Variants in TP53BP2 observed in about 807,000 individuals in gnomAD.
TP53BP2 encodes apoptosis-stimulating of p53 protein 2.
In TP53BP2, 62 loss-of-function variants were observed where a neutral mutation model predicts 126.2. The ratio of observed to expected loss-of-function variants is 0.49; its 90% CI spans 0.40 to 0.61. TP53BP2 has a LOEUF of 0.61. TP53BP2 is among the 20% of genes least tolerant of loss of function. The pLI, the probability that TP53BP2 is intolerant of heterozygous loss-of-function variation, is 0.00. For synonymous variants in TP53BP2, 485 were observed against 502.9 expected, an observed-to-expected ratio of 0.96 and a Z score of 0.48; for missense variants, 1,215 against 1,402.8, an observed-to-expected ratio of 0.87 and a Z score of 2.14.
At chr1:223,781,316 A>G (rs918821846) in intron 17 of TP53BP2, among the ~76,000 whole-genome samples, 1 of 152,286 alleles carries the variant, frequency 6.6e-6, no homozygotes, top group African/African-American at 2.4e-5. Flanking sequence ...ACCTTTATTC[A>G]CAATGGACAT....
intron 13 of TP53BP2, among the ~76,000 whole-genome samples, chr1:223,795,516 C>T (rs993243452): frequency 1.3e-5 from 2 of 152,132 alleles, no homozygotes; most frequent in Non-Finnish European, 2.9e-5. Context: ...TCTTTTGAGT[C>T]CCAGTCGGGT....
intron 1 of TP53BP2, among the ~76,000 whole-genome samples, chr1:223,829,841 TAC>T (rs1013066672): frequency 6.6e-6 from 1 of 151,736 alleles, no homozygotes; most frequent in Non-Finnish European, 1.5e-5. Context: ...GGTAACAGAG[TAC>T]AGTTTTTCTT....
At chr1:223,806,810 T>A (rs1248302809) in intron 5 of TP53BP2, 36 bp downstream of exon 5, 1 of 1,553,640 alleles carries the variant, frequency 6.4e-7, no homozygotes, top group African/African-American at 1.4e-5. Context: ...GGCGACAGAG[T>A]GAGCATTCAT....
At chr1:223,791,095 T>C (rs1199810068) in intron 15 of TP53BP2, among the ~76,000 whole-genome samples, 1 of 152,186 alleles carries the variant, frequency 6.6e-6, no homozygotes, top group Admixed American at 6.5e-5. Flanking sequence ...ACATTACATA[T>C]GTATTAGGAG....
In TP53BP2 at chr1:223,806,767, T is replaced by C. The variant is rs186931806; in HGVS notation, c.474+79A>G. The C allele has an allele frequency of 1.9e-3, 2,142 of 1,109,856 alleles. 22 individuals are homozygous for C. In the African/African-American group the frequency reaches 0.02, roughly 10 times the overall value. 68.8% of individuals were successfully genotyped at this position (1,109,856 alleles called of 1,614,324 possible). A position where few individuals can be genotyped will look rare whatever the true frequency, so the allele number is the denominator to read the frequency against. Reference sequence around the variant, plus strand: ...TGAACTCAGGAGGCGGAGGTTGCAGTGAGCCAAGATCGTGCCACTGCACTC... The same window carrying C: ...TGAACTCAGGAGGCGGAGGTTGCAGCGAGCCAAGATCGTGCCACTGCACTC... On this transcript the variant is annotated intron_variant, in intron 5 of 17. Coordinates refer to ENST00000343537, the MANE Select transcript of TP53BP2 (RefSeq NM_001031685.3).
chr1:223,816,607 AAAC>A (rs1330831692), intron 2 of TP53BP2, among the ~76,000 whole-genome samples: 1 of 152,242 alleles, frequency 6.6e-6, no homozygotes, highest in Non-Finnish European at 1.5e-5. Flanking sequence ...ATGCAAATTT[AAAC>A]AAAAGTCAGG....
intron 14 of TP53BP2, among the ~76,000 whole-genome samples, chr1:223,792,765 C>A (rs886447894): frequency 6.6e-6 from 1 of 151,370 alleles, no homozygotes; most frequent in Admixed American, 6.6e-5. Flanking sequence ...AAAGGAAGTA[C>A]CAGAAACTAT....
chr1:223,842,555 GT>G (rs1664137602), intron 1 of TP53BP2, among the ~76,000 whole-genome samples: 1 of 152,202 alleles, frequency 6.6e-6, no homozygotes, highest in South Asian at 2.1e-4. Flanking sequence ...CAAATACTGT[GT>G]AGTTTTGTAA....
chr1:223,793,680 T>C (rs900200563), intron 13 of TP53BP2, among the ~76,000 whole-genome samples: 2 of 152,232 alleles, frequency 1.3e-5, no homozygotes, highest in Non-Finnish European at 2.9e-5. Flanking sequence ...CATAACTTTA[T>C]AAAATCTAAC....
chr1:223,799,793 G>A, intron 11 of TP53BP2, 106 bp downstream of exon 11: 5 of 1,031,584 alleles, frequency 4.8e-6, no homozygotes, highest in Non-Finnish European at 6.6e-6. Context: ...AATCTCCTAG[G>A]TACATCCTGT....
chr1:223,803,489 G>T lies in TP53BP2; in HGVS notation c.650-37C>A, dbSNP rs1000708614. 4 of 1,538,994 alleles carry T rather than the reference G, an allele frequency of 2.6e-6. No individual in the cohort carries two copies. In the Admixed American group the frequency reaches 8.1e-5, roughly 31 times the overall value. ...AGAGAACAGCAACAACAGTTGAAAAGAAAAATAAGAATGGACTACTTCCCA... is the reference window on the plus strand; with the variant it reads ...AGAGAACAGCAACAACAGTTGAAAATAAAAATAAGAATGGACTACTTCCCA... On this transcript the variant is annotated intron_variant, in intron 6 of 17. Transcript: ENST00000343537.
chr1:223,791,703 T>A (rs1662161786), intron 15 of TP53BP2, among the ~76,000 whole-genome samples: 1 of 152,222 alleles, frequency 6.6e-6, no homozygotes, highest in African/African-American at 2.4e-5. Context: ...TACAACTTTT[T>A]AAAATCCTAT....
intron 4 of TP53BP2, among the ~76,000 whole-genome samples, chr1:223,809,573 C>CAATAA (rs1262128747): frequency 1.3e-5 from 2 of 151,060 alleles, no homozygotes; most frequent in African/African-American, 4.9e-5. Flanking sequence ...TCCCAGAAAA[C>CAATAA]AATAAAATAA....
chr1:223,834,754 A>G (rs1571876497), intron 1 of TP53BP2: 3 of 910,240 alleles, frequency 3.3e-6, no homozygotes, highest in South Asian at 5.0e-5. Context: ...TGTAGTGTCA[A>G]TTCATCCCCA....
intron 1 of TP53BP2, among the ~76,000 whole-genome samples, chr1:223,841,298 T>C (rs1034342874): frequency 2.0e-5 from 3 of 147,448 alleles, no homozygotes; most frequent in East Asian, 3.9e-4. Context: ...TTTCTAAAAA[T>C]AGATTATTTG....
rs533800515 is a variant in TP53BP2 at position 223,792,375 on chromosome 1, A to G, written c.2996+14T>C. ...ACAACTGAAGTTTGACTGGAGTTTA[A>G]AAGAAAATCTTACCATCCATCACTA... On this transcript the variant is annotated intron_variant, in intron 15 of 17. Coordinates refer to ENST00000343537, the MANE Select transcript of TP53BP2 (RefSeq NM_001031685.3). The G allele has an allele frequency of 4.1e-5, 66 of 1,596,208 alleles. No homozygotes were observed. In the East Asian group the frequency reaches 1.5e-3, roughly 36 times the overall value.
In TP53BP2 at chr1:223,821,347, G is replaced by C; in HGVS notation, c.48C>G (p.Leu16=). 1 of 1,614,014 alleles carries C rather than the reference G, an allele frequency of 6.2e-7. No individual in the cohort carries two copies. The highest frequency in any genetic ancestry group is 8.5e-7 in the Non-Finnish European group (1 of 1,179,872). ...CTGTGAAGTGCTGCTCATTGTTACTGAGATACACGGTAAGAAACATCTAAA... is the reference window on the plus strand; with the variant it reads ...CTGTGAAGTGCTGCTCATTGTTACTCAGATACACGGTAAGAAACATCTAAA... The part of the protein sequence containing the change: ...KMMPMFLTVY[L]SNNEQHFTEV... The change falls in exon 2 of 18, where the codon CTC becomes CTG. Residue 16 remains leucine (L), a synonymous_variant. Coordinates refer to ENST00000343537, the MANE Select transcript of TP53BP2 (RefSeq NM_001031685.3).
At chr1:223,836,332 G>A (rs1027023762) in intron 1 of TP53BP2, among the ~76,000 whole-genome samples, 6 of 152,232 alleles carry the variant, frequency 3.9e-5, no homozygotes, top group Admixed American at 2.6e-4. Flanking sequence ...AAGGAAGGCC[G>A]AATGAACCAC....
At chr1:223,831,772 A>C (rs1198848859) in intron 1 of TP53BP2, among the ~76,000 whole-genome samples, 5 of 151,448 alleles carry the variant, frequency 3.3e-5, no homozygotes, top group East Asian at 3.9e-4. Flanking sequence ...AAAAAAAAAA[A>C]AAAACACTGT....
Sources: allele counts gnomAD v4.1 joint callset (sites outside exome capture counted in the v4.1 genomes callset), GRCh38; gene constraint gnomAD v4.1.1; transcripts MANE v1.5; gene names NCBI Gene and HGNC (gene_info 2026-07-23, HGNC 2026-07-21).